The following EPHA3 variants were observed in gnomAD, a reference collection of about 807,000 sequenced individuals.
EPHA3 encodes EPH receptor A3.
EPHA3 carries 42 observed loss-of-function variants against 107.1 expected under a neutral mutation model. The observed-to-expected ratio is 0.39, with a 90% confidence interval of 0.31 to 0.51. The LOEUF (loss-of-function observed/expected upper bound fraction) is 0.51, where lower values mean the gene tolerates loss of function less well. EPHA3 is among the 20% of genes least tolerant of loss of function. The pLI is 0.78. For missense variants in EPHA3, 1,183 were observed against 1,211.2 expected (o/e 0.98, Z 0.35); for synonymous variants, 461 against 424.8 (o/e 1.09, Z -1.05).
intron 15 of EPHA3, 83 bp from the exon 16 acceptor site, chr3:89,472,381 T>C: frequency 7.1e-7 from 1 of 1,411,992 alleles, no homozygotes; most frequent in Non-Finnish European, 9.7e-7. Context: ...TGGAAGTTCC[T>C]GCCGATGTTA....
chr3:89,355,826 A>T (rs1707936027), intron 5 of EPHA3, among the ~76,000 whole-genome samples: 1 of 147,904 alleles, frequency 6.8e-6, no homozygotes, highest in Non-Finnish European at 1.5e-5. Context: ...AAATATATAT[A>T]TATTTTTTAT....
intron 2 of EPHA3, among the ~76,000 whole-genome samples, chr3:89,178,693 T>C (rs1310811896): frequency 6.6e-6 from 1 of 151,536 alleles, no homozygotes; most frequent in East Asian, 1.9e-4. Flanking sequence ...TTAACTAAAA[T>C]AATAATATTT....
chr3:89,110,929 T>C (rs1386592230), intron 1 of EPHA3, among the ~76,000 whole-genome samples: 2 of 152,040 alleles, frequency 1.3e-5, no homozygotes, highest in East Asian at 1.9e-4. Flanking sequence ...TATTAATTCA[T>C]CAGCACATAA....
intron 1 of EPHA3, among the ~76,000 whole-genome samples, chr3:89,120,956 TCAG>T (rs1220685074): frequency 3.9e-5 from 6 of 152,114 alleles, no homozygotes; most frequent in African/African-American, 1.2e-4. Context: ...AATTACTACA[TCAG>T]CCTGGCACGG....
Position 89,273,605 on chromosome 3 carries a change from T to C in EPHA3, c.814+63085T>C, listed in dbSNP as rs117636829. 2.9e-3 allele frequency among the ~76,000 whole-genome samples: 435 copies of C among 152,032 alleles called. 14 individuals carry two copies. In the East Asian group the frequency reaches 0.04, roughly 14 times the overall value. ...AAGTTTTCTTTATCCATGGTAGTTA[T>C]ATTGTATAAAGTTGCTGTGACTATT... On this transcript the variant is annotated intron_variant, in intron 3 of 16. Transcript: ENST00000336596.
chr3:89,458,834 G>C (rs200653759), intron 15 of EPHA3, among the ~76,000 whole-genome samples: 3 of 152,180 alleles, frequency 2.0e-5, no homozygotes, highest in Non-Finnish European at 2.9e-5. Flanking sequence ...ATACACCATG[G>C]AATACTATGC....
chr3:89,350,312 A>AT (rs1170905432), intron 5 of EPHA3, among the ~76,000 whole-genome samples: 3 of 150,140 alleles, frequency 2.0e-5, no homozygotes, highest in African/African-American at 7.3e-5. Context: ...GGCTTTGCTC[A>AT]TTTCTTTTTA....
intron 2 of EPHA3, among the ~76,000 whole-genome samples, chr3:89,170,854 A>C (rs1218008663): frequency 6.6e-6 from 1 of 152,110 alleles, no homozygotes; most frequent in Non-Finnish European, 1.5e-5. Context: ...ATTACCTAGA[A>C]TTAAGTTCAG....
chr3:89,317,554 T>G (rs1706938023), intron 3 of EPHA3, among the ~76,000 whole-genome samples: 1 of 151,884 alleles, frequency 6.6e-6, no homozygotes, highest in Admixed American at 6.6e-5. Context: ...ATAAGCTGTA[T>G]CTTGCCATAT....
At chr3:89,287,311 C>G (rs755241538) in intron 3 of EPHA3, among the ~76,000 whole-genome samples, 3 of 152,056 alleles carry the variant, frequency 2.0e-5, no homozygotes, top group Non-Finnish European at 4.4e-5. Flanking sequence ...ATACTAAATA[C>G]CTTGCCAAAG....
At chr3:89,433,871 A>G (rs1207341398) in intron 13 of EPHA3, among the ~76,000 whole-genome samples, 2 of 152,198 alleles carry the variant, frequency 1.3e-5, no homozygotes, top group African/African-American at 2.4e-5. Flanking sequence ...TAGTCAGCCA[A>G]TGTATCTGCA....
intron 10 of EPHA3, among the ~76,000 whole-genome samples, chr3:89,417,294 G>T (rs1163393803): frequency 6.6e-6 from 1 of 151,402 alleles, no homozygotes; most frequent in Non-Finnish European, 1.5e-5. Flanking sequence ...GAAGCAATTC[G>T]GCTGCAGGAT....
At chr3:89,240,444 A>G (rs1235543266) in intron 3 of EPHA3, among the ~76,000 whole-genome samples, 2 of 152,152 alleles carry the variant, frequency 1.3e-5, no homozygotes, top group Non-Finnish European at 2.9e-5. Context: ...ATTATTTTAA[A>G]GGATGAAAGG....
In EPHA3 at chr3:89,107,767, A is replaced by G; in HGVS notation, c.19A>G (p.Ile7Val). ...CAGCAACATGGATTGTCAGCTCTCC[A>G]TCCTCCTCCTTCTCAGCTGCTCTGT... is the stretch of plus-strand genomic sequence containing the variant. MDCQLSILLLLSCSVLD... is the reference protein window; with the variant it reads MDCQLSVLLLLSCSVLD... The change falls in exon 1 of 17, where the codon ATC (isoleucine) becomes GTC (valine). Residue 7 changes from isoleucine (I) to valine (V), a missense_variant. Transcript: ENST00000336596. The G allele has an allele frequency of 6.2e-7, 1 of 1,614,108 alleles. No homozygotes were observed.
rs111466814 is a variant in EPHA3, at chr3:89,437,126, G to A, written c.2346+5767G>A. 7.7e-3 allele frequency among the ~76,000 whole-genome samples: 1,166 copies of A among 152,140 alleles called. 15 individuals are homozygous for A. Among genetic ancestry groups the A allele is most frequent in the African/African-American group, 0.026 (1,086 of 41,506 alleles). On this transcript the variant is annotated intron_variant, in intron 13 of 16. Transcript: ENST00000336596. ...TCTTGTGGACCCCTAAAATGCTCTTGGGGACCCACATACATGCTCGGATGA... is the reference window on the plus strand; with the variant it reads ...TCTTGTGGACCCCTAAAATGCTCTTAGGGACCCACATACATGCTCGGATGA...
chr3:89,475,873 A>G (rs1216094835), intron 16 of EPHA3, among the ~76,000 whole-genome samples: 3 of 152,154 alleles, frequency 2.0e-5, no homozygotes, highest in Admixed American at 6.5e-5. Context: ...AAATGAAATG[A>G]GCACACAGAG....
intron 2 of EPHA3, among the ~76,000 whole-genome samples, chr3:89,146,828 A>G (rs1704568866): frequency 6.6e-6 from 1 of 151,932 alleles, no homozygotes; most frequent in African/African-American, 2.4e-5. Context: ...TACAAGGTAT[A>G]AGGAAGGGGC....
intron 3 of EPHA3, among the ~76,000 whole-genome samples, chr3:89,220,094 C>T (rs1353908440): frequency 1.3e-5 from 2 of 152,052 alleles, no homozygotes; most frequent in Non-Finnish European, 2.9e-5. Context: ...GCTAAATATC[C>T]TACAATGCAC....
intron 3 of EPHA3, among the ~76,000 whole-genome samples, chr3:89,277,096 T>C (rs1218970915): frequency 6.6e-6 from 1 of 152,160 alleles, no homozygotes; most frequent in Non-Finnish European, 1.5e-5. Flanking sequence ...GGTATCTTCG[T>C]GTGTTTGCTA....
Sources: gnomAD v4.1 joint callset for allele counts (sites outside exome capture counted in the v4.1 genomes callset) on GRCh38, gnomAD v4.1.1 for gene constraint, MANE v1.5 for transcripts, NCBI Gene and HGNC (gene_info 2026-07-23, HGNC 2026-07-21) for gene names.